FBXO17: variants seen among roughly 807,000 people sequenced by gnomAD.
FBXO17 encodes F-box only protein 17.
A neutral mutation model predicts 34.1 loss-of-function variants in FBXO17; 43 were observed. The observed-to-expected ratio is 1.26, with a 90% confidence interval of 0.99 to 1.62. FBXO17 has a LOEUF of 1.62. Among genes scored for constraint, FBXO17 ranks in the 40% most tolerant of loss-of-function variants. FBXO17 has a pLI of 0.00. For missense variants in FBXO17, 424 were observed against 386.7 expected (o/e 1.10, Z -0.81); for synonymous variants, 169 against 166.0 (o/e 1.02, Z -0.14).
At chr19:38,972,171 A>AC (rs1325735412) in intron 1 of FBXO17, among the ~76,000 whole-genome samples, 1 of 151,944 alleles carries the variant, frequency 6.6e-6, no homozygotes, top group Non-Finnish European at 1.5e-5. Flanking sequence ...ACAGACTGAG[A>AC]CCCCCACTGG....
At chr19:38,949,366 C>T (rs539360303) in intron 2 of FBXO17, among the ~76,000 whole-genome samples, 1 of 152,264 alleles carries the variant, frequency 6.6e-6, no homozygotes, top group Admixed American at 6.5e-5. Context: ...TCCCAAAGTG[C>T]TGGGATTACA....
At chr19:38,952,157 G>A (rs1048006061) in intron 1 of FBXO17, among the ~76,000 whole-genome samples, 2 of 151,436 alleles carry the variant, frequency 1.3e-5, no homozygotes, top group South Asian at 2.1e-4. Flanking sequence ...CATGTTAGCC[G>A]GCTGGTCTCA....
chr19:38,942,556 A>G lies in FBXO17; in HGVS notation c.*52T>C. ...GGATTCCACAGGTGTGAGCCACTGC[A>G]CCTGGCTGCAAGGCTGGTCTTGACT... On this transcript the variant is annotated 3_prime_UTR_variant, in exon 6 of 6. Transcript: ENST00000292852. 5 of 1,482,172 alleles carry G rather than the reference A, an allele frequency of 3.4e-6. No homozygotes were observed. In the Admixed American group the frequency reaches 1.3e-4, roughly 38 times the overall value. The allele number at this position is 1,482,172 out of a possible 1,614,324, so 91.8% of individuals were successfully genotyped here.
chr19:38,946,344 C>T (rs1974982623), intron 4 of FBXO17, 128 bp downstream of exon 4: 1 of 1,443,580 alleles, frequency 6.9e-7, no homozygotes, highest in Non-Finnish European at 9.3e-7. Context: ...CCCCTCTCAG[C>T]CTCATCACAA....
chr19:38,964,595 C>T (rs913584523), intron 1 of FBXO17, among the ~76,000 whole-genome samples: 1 of 152,086 alleles, frequency 6.6e-6, no homozygotes, highest in Admixed American at 6.6e-5. Context: ...ATAGCAAGAC[C>T]TCCATCTCTA....
At chr19:38,950,645 C>A (rs367595763) in intron 1 of FBXO17, among the ~76,000 whole-genome samples, 1 of 152,334 alleles carries the variant, frequency 6.6e-6, no homozygotes, top group African/African-American at 2.4e-5. Flanking sequence ...ATAACTAACC[C>A]CATTTTTGTT....
chr19:38,943,468 T>C (rs1302622634), intron 5 of FBXO17, among the ~76,000 whole-genome samples: 3 of 151,372 alleles, frequency 2.0e-5, no homozygotes, highest in Non-Finnish European at 4.4e-5. Flanking sequence ...GAGACGGGGG[T>C]TTTGCCATGT....
At chr19:38,960,411 G>A (rs909316740) in intron 1 of FBXO17, among the ~76,000 whole-genome samples, 10 of 152,012 alleles carry the variant, frequency 6.6e-5, no homozygotes, top group Non-Finnish European at 1.2e-4. Context: ...TTCCATCCTA[G>A]TCTAGCAGCT....
At chr19:38,958,249 A>G (rs1333096970) in intron 1 of FBXO17, among the ~76,000 whole-genome samples, 1 of 151,832 alleles carries the variant, frequency 6.6e-6, no homozygotes. Flanking sequence ...CGTCTCTACT[A>G]AAAATACAAA....
In FBXO17 at chr19:38,942,641, G is replaced by T; in HGVS notation, c.804C>A (p.His268Gln). ...GACGGATCCTGACCCTCACACTGGA[G>T]TGGGTCACAAGGGCGCCATAGTGCC... ...WVGHYGALVT[H>Q]SSVRVRIRLS is the part of the protein sequence containing the mutation. The change falls in exon 6 of 6, where the codon CAC (histidine) becomes CAA (glutamine). Residue 268 changes from histidine (H) to glutamine (Q), a missense_variant. Physicochemically the swap from His to Gln is conservative, Grantham distance 24. Coordinates refer to ENST00000292852, the MANE Select transcript of FBXO17 (RefSeq NM_024907.7). 1 of 1,593,994 alleles carries T rather than the reference G, an allele frequency of 6.3e-7. No individual in the cohort carries two copies. Among genetic ancestry groups the T allele is most frequent in the African/African-American group, 1.4e-5 (1 of 73,358 alleles).
In FBXO17 at chr19:38,942,654, G is replaced by C; in HGVS notation, c.791C>G (p.Ala264Gly). 3.1e-6 allele frequency: 5 copies of C among 1,599,786 alleles called. No individual in the cohort carries two copies. In the South Asian group the frequency reaches 5.6e-5, roughly 18 times the overall value. The change falls in exon 6 of 6, where the codon GCC (alanine) becomes GGC (glycine). Residue 264 changes from alanine (A) to glycine (G), a missense_variant. Coordinates refer to ENST00000292852, the MANE Select transcript of FBXO17 (RefSeq NM_024907.7). ...CCTCACACTGGAGTGGGTCACAAGG[G>C]CGCCATAGTGCCCCACCCAGGAACT... ...DVSSWVGHYG[A>G]LVTHSSVRVR... is the part of the protein sequence containing the mutation.
intron 1 of FBXO17, among the ~76,000 whole-genome samples, chr19:38,969,903 G>A (rs1271673065): frequency 2.6e-5 from 4 of 151,694 alleles, no homozygotes; most frequent in Admixed American, 2.6e-4. Flanking sequence ...TGGCCCACTG[G>A]ACATTTTTTA....
chr19:38,963,771 G>A (rs11083491), intron 1 of FBXO17, among the ~76,000 whole-genome samples: 47,352 of 150,482 alleles, frequency 0.31, 8,187 homozygotes, highest in East Asian at 0.48. Context: ...GTGTTTGTGT[G>A]GACATATGTT....
intron 5 of FBXO17, 153 bp downstream of exon 5, chr19:38,944,816 A>G: frequency 9.1e-7 from 1 of 1,095,456 alleles, no homozygotes; most frequent in Admixed American, 2.4e-5. Context: ...AAGCGTCTTG[A>G]CACAGGGCTT....
At chr19:38,946,412 G>C in intron 4 of FBXO17, 60 bp downstream of exon 4, 1 of 1,608,878 alleles carries the variant, frequency 6.2e-7, no homozygotes, top group Non-Finnish European at 8.5e-7. Context: ...ATGAGCCCCT[G>C]TTGCAGAGCC....
chr19:38,949,935 C>A, intron 2 of FBXO17, 36 bp downstream of exon 2: 1 of 1,475,804 alleles, frequency 6.8e-7, no homozygotes, highest in Non-Finnish European at 8.9e-7. Flanking sequence ...TCGCGCGGCC[C>A]CCCTCAGCCT....
At position 38,948,440 on chromosome 19, in the gene FBXO17, G is replaced by C. The variant is rs567066784; in HGVS notation, c.461+127C>G. Reference sequence around the variant, plus strand: ...ACAAGTATTTGTTGATTGATGGAATGAATCAATGAATAAATAAATGGGGGA... The same window carrying C: ...ACAAGTATTTGTTGATTGATGGAATCAATCAATGAATAAATAAATGGGGGA... On this transcript the variant is annotated intron_variant, in intron 3 of 5. Transcript: ENST00000292852. The C allele has an allele frequency of 5.5e-5, 37 of 672,036 alleles. 1 individual carries two copies. The South Asian group carries it at 7.3e-4, about 13-fold the overall frequency. 41.6% of individuals were successfully genotyped at this position (672,036 alleles called of 1,614,324 possible). A position where few individuals can be genotyped will look rare whatever the true frequency, so the allele number is the denominator to read the frequency against.
chr19:38,958,390 A>G (rs1032214752), intron 1 of FBXO17, among the ~76,000 whole-genome samples: 4 of 144,210 alleles, frequency 2.8e-5, no homozygotes, highest in African/African-American at 1.0e-4. Context: ...CCTGGGCAAC[A>G]AGAGTGAAAC....
At chr19:38,943,561 C>T (rs1974926782) in intron 5 of FBXO17, among the ~76,000 whole-genome samples, 1 of 151,582 alleles carries the variant, frequency 6.6e-6, no homozygotes. Context: ...AGGTGTGAGC[C>T]ACTGCGCCCA....
Sources: allele counts gnomAD v4.1 joint callset (sites outside exome capture counted in the v4.1 genomes callset), GRCh38; gene constraint gnomAD v4.1.1; transcripts MANE v1.5; gene names NCBI Gene and HGNC (gene_info 2026-07-23, HGNC 2026-07-21).